The following KATNIP variants were observed in gnomAD, a reference collection of about 807,000 sequenced individuals.
KATNIP encodes the protein katanin-interacting protein.
In KATNIP, 126 loss-of-function variants were observed where a neutral mutation model predicts 174.0. That is an observed-to-expected ratio of 0.72 (90% confidence interval 0.63 to 0.84). The LOEUF (loss-of-function observed/expected upper bound fraction) is 0.84, where lower values mean the gene tolerates loss of function less well. Among genes scored for constraint, KATNIP ranks in the 40% least tolerant of loss-of-function variants. KATNIP has a pLI of 0.00. For missense variants in KATNIP, 1,958 were observed against 2,109.7 expected (o/e 0.93, Z 1.41); for synonymous variants, 810 against 835.7 (o/e 0.97, Z 0.53).
intron 14 of KATNIP, among the ~76,000 whole-genome samples, chr16:27,733,646 C>T (rs190545012): frequency 1.3e-5 from 2 of 151,846 alleles, no homozygotes; most frequent in Admixed American, 6.6e-5. Context: ...AAGGTTAAGA[C>T]ATTCGGCAGG....
intron 13 of KATNIP, among the ~76,000 whole-genome samples, chr16:27,720,036 G>T (rs1441555153): frequency 6.6e-6 from 1 of 152,098 alleles, no homozygotes; most frequent in Non-Finnish European, 1.5e-5. Flanking sequence ...TGTTGTTGTT[G>T]TTTACACTGG....
At chr16:27,640,825 G>A (rs2142255076) in intron 5 of KATNIP, among the ~76,000 whole-genome samples, 1 of 152,170 alleles carries the variant, frequency 6.6e-6, no homozygotes, top group East Asian at 1.9e-4. Flanking sequence ...GTGCTAAAGG[G>A]AAGACGGGAA....
At chr16:27,656,951 T>TAA (rs142304780) in intron 6 of KATNIP, among the ~76,000 whole-genome samples, 24 of 149,124 alleles carry the variant, frequency 1.6e-4, no homozygotes, top group African/African-American at 3.5e-4. Context: ...AAAAAAATCC[T>TAA]AAAAAAAAAC....
chr16:27,623,974 G>T lies in KATNIP; in HGVS notation c.141-4687G>T, dbSNP rs58590817. 2.5e-3 allele frequency among the ~76,000 whole-genome samples: 384 copies of T among 152,060 alleles called. 2 individuals carry two copies. Among genetic ancestry groups the T allele is most frequent in the African/African-American group, 8.8e-3 (365 of 41,480 alleles). On this transcript the variant is annotated intron_variant, in intron 3 of 27. Coordinates refer to ENST00000261588, the MANE Select transcript of KATNIP (RefSeq NM_015202.5). Reference sequence around the variant, plus strand: ...TTGAGCAAGTCCCTAAACCTCCCTGGGGTCTGTTTCCTCTTCTGTAACAGG... The same window carrying T: ...TTGAGCAAGTCCCTAAACCTCCCTGTGGTCTGTTTCCTCTTCTGTAACAGG...
chr16:27,642,791 G>C (rs1277610539), intron 5 of KATNIP, among the ~76,000 whole-genome samples: 1 of 125,710 alleles, frequency 8.0e-6, no homozygotes. Flanking sequence ...TTTTTTTTGT[G>C]GAGACAAGGT....
intron 2 of KATNIP, among the ~76,000 whole-genome samples, chr16:27,616,080 A>C (rs919338769): frequency 2.0e-5 from 3 of 152,188 alleles, no homozygotes; most frequent in Non-Finnish European, 2.9e-5. Flanking sequence ...GTTAAAAAAA[A>C]CAGCAAATTG....
In KATNIP at chr16:27,648,602, A is replaced by C. The variant is rs930783107; in HGVS notation, c.409-2A>C. The stretch of plus-strand genomic sequence containing the variant: ...TCTGAAATGGCCTGCATTTTTGTAC[A>C]GAAATCTGTGCAGATCAGAACAGAA... On this transcript the variant is annotated splice_acceptor_variant, in intron 5 of 27. Coordinates refer to ENST00000261588, the MANE Select transcript of KATNIP (RefSeq NM_015202.5). LOFTEE classifies it high-confidence loss of function. 1 of 1,613,936 alleles carries C rather than the reference A, an allele frequency of 6.2e-7. No homozygotes were observed. Among genetic ancestry groups the C allele is most frequent in the Non-Finnish European group, 8.5e-7 (1 of 1,179,988 alleles).
intron 2 of KATNIP, among the ~76,000 whole-genome samples, chr16:27,576,791 A>T (rs759215447): frequency 6.6e-6 from 1 of 152,180 alleles, no homozygotes. Flanking sequence ...GATGCCAGGT[A>T]TAGATCAAAC....
At chr16:27,736,415 T>C (rs747736790) in intron 14 of KATNIP, among the ~76,000 whole-genome samples, 2 of 152,146 alleles carry the variant, frequency 1.3e-5, no homozygotes, top group Admixed American at 6.5e-5. Context: ...TAAAAGCTGA[T>C]AAGCAAGACC....
rs889498609 is a variant in KATNIP, at chr16:27,648,798, T to G, written c.540+63T>G. ...AGGACGGCGAGGCTCGGTGCTGCAG[T>G]GGCCCCTCGGGGCACTTTCTGACAG... On this transcript the variant is annotated intron_variant, in intron 6 of 27. Coordinates refer to ENST00000261588, the MANE Select transcript of KATNIP (RefSeq NM_015202.5). The G allele has an allele frequency of 5.1e-6, 8 of 1,567,466 alleles. No homozygotes were observed. In the Admixed American group the frequency reaches 1.3e-4, roughly 26 times the overall value.
rs2082588661 is a variant in KATNIP at position 27,778,577 on chromosome 16, T to C, written c.4805T>C (p.Leu1602Ser). 1.2e-6 allele frequency: 2 copies of C among 1,613,608 alleles called. No individual in the cohort carries two copies. Among genetic ancestry groups the C allele is most frequent in the East Asian group, 4.5e-5 (2 of 44,840 alleles). Residue 1602 changes from leucine (L) to serine (S), a missense_variant, in exon 28 of 28, where the codon TTA becomes TCA. By Grantham distance (145) the Leu-to-Ser change is moderately radical. This residue lies in a region of KATNIP where 383 missense variants were observed against 456.0 expected (regional missense o/e 0.84). Coordinates refer to ENST00000261588, the MANE Select transcript of KATNIP (RefSeq NM_015202.5). The part of the protein sequence containing the change: ...KRKQSVVDPA[L>S]RPKTCISEKE... ...CCTCTGTTCCCTGTCATGACAGCCT[T>C]ACGTCCCAAAACCTGCATCAGCGAG...
chr16:27,698,233 T>G, intron 8 of KATNIP, 95 bp from the exon 9 acceptor site: 2 of 1,302,462 alleles, frequency 1.5e-6, no homozygotes, highest in East Asian at 4.7e-5. Context: ...GGGCCAGTTG[T>G]TTTATAGAAT....
intron 1 of KATNIP, among the ~76,000 whole-genome samples, chr16:27,558,322 T>C (rs2089714603): frequency 6.6e-6 from 1 of 152,050 alleles, no homozygotes; most frequent in Non-Finnish European, 1.5e-5. Flanking sequence ...ATTTTTGTAT[T>C]TTTAGTAGGG....
chr16:27,609,378 C>CTTTTTTTTT (rs35339029), intron 2 of KATNIP, among the ~76,000 whole-genome samples: 1 of 55,634 alleles, frequency 1.8e-5, no homozygotes, highest in Non-Finnish European at 3.0e-5. Flanking sequence ...TGAGTTAAGT[C>CTTTTTTTTT]TTTTTTTTTT....
At chr16:27,595,475 A>G (rs2075307325) in intron 2 of KATNIP, among the ~76,000 whole-genome samples, 1 of 152,212 alleles carries the variant, frequency 6.6e-6, no homozygotes, top group Non-Finnish European at 1.5e-5. Flanking sequence ...TCATTGTGAT[A>G]GAGGCAAAGA....
At chr16:27,721,840 G>C (rs2080257232) in intron 14 of KATNIP, 145 bp downstream of exon 14, 2 of 884,010 alleles carry the variant, frequency 2.3e-6, no homozygotes, top group African/African-American at 3.4e-5. Context: ...CTGCTGGTAG[G>C]TTCACACTGC....
chr16:27,620,568 G>A (rs373977645), intron 3 of KATNIP, among the ~76,000 whole-genome samples: 25 of 152,266 alleles, frequency 1.6e-4, no homozygotes, highest in East Asian at 3.9e-4. Flanking sequence ...AAAACCTGCC[G>A]GATTGCCAGT....
At chr16:27,648,448 C>T (rs1057430242) in intron 5 of KATNIP, among the ~76,000 whole-genome samples, 156 bp from the exon 6 acceptor site, 54 of 152,234 alleles carry the variant, frequency 3.5e-4, no homozygotes, top group African/African-American at 1.3e-3. Context: ...GTGGCCCATG[C>T]TCATCATGAC....
At chr16:27,711,696 A>T (rs1457170993) in intron 13 of KATNIP, among the ~76,000 whole-genome samples, 1 of 152,238 alleles carries the variant, frequency 6.6e-6, no homozygotes. Context: ...AAGGTGTAAT[A>T]TATGTCACAA....
Sources: gnomAD v4.1 joint callset for allele counts (sites outside exome capture counted in the v4.1 genomes callset) on GRCh38, gnomAD v4.1.1 for gene constraint, gnomAD v4.1.1 regional missense constraint, MANE v1.5 for transcripts, NCBI Gene and HGNC (gene_info 2026-07-23, HGNC 2026-07-21) for gene names.